MPPED2: variants seen among roughly 807,000 people sequenced by gnomAD.
MPPED2 encodes metallophosphoesterase domain containing 2.
MPPED2 carries 5 observed loss-of-function variants against 33.0 expected under a neutral mutation model. The observed-to-expected ratio is 0.15, with a 90% CI of 0.08 to 0.32. The LOEUF (loss-of-function observed/expected upper bound fraction) is 0.32. Among genes scored for constraint, MPPED2 ranks in the 10% least tolerant of loss-of-function variants. MPPED2 has a pLI of 1.00. For missense variants in MPPED2, 275 were observed against 372.1 expected (o/e 0.74, Z 2.15); for synonymous variants, 136 against 141.9 (o/e 0.96, Z 0.29).
chr11:30,475,754 G>A (rs185767507), intron 4 of MPPED2, among the ~76,000 whole-genome samples: 2 of 152,144 alleles, frequency 1.3e-5, no homozygotes, highest in South Asian at 2.1e-4. Flanking sequence ...ATTTTTATTT[G>A]TCTTGAGTAC....
At chr11:30,542,756 G>C (rs1220796463) in intron 2 of MPPED2, among the ~76,000 whole-genome samples, 1 of 152,174 alleles carries the variant, frequency 6.6e-6, no homozygotes, top group Non-Finnish European at 1.5e-5. Flanking sequence ...GGAAAACACT[G>C]ATCTGGTTTA....
intron 3 of MPPED2, among the ~76,000 whole-genome samples, chr11:30,520,115 G>C (rs1953774267): frequency 6.6e-6 from 1 of 152,010 alleles, no homozygotes; most frequent in Non-Finnish European, 1.5e-5. Flanking sequence ...CAGCGAGAAG[G>C]GAGACAACAC....
rs568857783 is a variant in MPPED2 at position 30,487,812 on chromosome 11, G to A, written c.536+7484C>T. Among the ~76,000 whole-genome samples, 16 of 152,038 alleles carry A rather than the reference G, an allele frequency of 1.1e-4. No individual in the cohort carries two copies. In the South Asian group the frequency reaches 3.3e-3, roughly 32 times the overall value. ...TTAAACCCTAGTGTCTGAGTCACTT[G>A]TTTTTTCTCTTCCCTCAATGATCCT... On this transcript the variant is annotated intron_variant, in intron 4 of 6. Coordinates refer to ENST00000358117, the MANE Select transcript of MPPED2 (RefSeq NM_001584.3).
rs78275694 is a variant in MPPED2 at position 30,433,402 on chromosome 11, G to A, written c.537-15769C>T. Among the ~76,000 whole-genome samples, 11 of 152,228 alleles carry A rather than the reference G, an allele frequency of 7.2e-5. No individual in the cohort carries two copies. In the East Asian group the frequency reaches 7.7e-4, roughly 11 times the overall value. Reference sequence around the variant, plus strand: ...AAGAGCTAACATTTACATAAAGCTTGCCATGTAGCATGTACTATATGAAAC... The same window carrying A: ...AAGAGCTAACATTTACATAAAGCTTACCATGTAGCATGTACTATATGAAAC... On this transcript the variant is annotated intron_variant, in intron 4 of 6. Coordinates refer to ENST00000358117, the MANE Select transcript of MPPED2 (RefSeq NM_001584.3).
At position 30,399,694 on chromosome 11, in the gene MPPED2, A is replaced by T. The variant is rs57970240; in HGVS notation, c.767-10738T>A. On this transcript the variant is annotated intron_variant, in intron 6 of 6. Transcript: ENST00000448418. Reference sequence around the variant, plus strand: ...ATGTAGAGTCTCAGTAAATAAATTCATAGAAATAGGTTGAATTACCAGCTA... The same window carrying T: ...ATGTAGAGTCTCAGTAAATAAATTCTTAGAAATAGGTTGAATTACCAGCTA... Among the ~76,000 whole-genome samples the T allele has an allele frequency of 2.7e-3, 406 of 152,342 alleles. 14 individuals carry two copies. The East Asian group carries it at 0.066, about 25-fold the overall frequency.
intron 3 of MPPED2, among the ~76,000 whole-genome samples, chr11:30,499,012 A>G (rs773864849): frequency 6.6e-5 from 10 of 152,142 alleles, no homozygotes; most frequent in African/African-American, 1.7e-4. Context: ...ATACTCATGA[A>G]CTGAAAGTCA....
chr11:30,434,019 T>C (rs991714598), intron 4 of MPPED2, among the ~76,000 whole-genome samples: 9 of 152,168 alleles, frequency 5.9e-5, no homozygotes, highest in Non-Finnish European at 1.2e-4. Flanking sequence ...CTCTGACTTC[T>C]GCTTCTGTGG....
chr11:30,452,001 A>C (rs72885522), intron 4 of MPPED2: 1 of 985,088 alleles, frequency 1.0e-6, no homozygotes, highest in Non-Finnish European at 1.2e-6. Context: ...CCGTAAAACG[A>C]TTCCCATTTC....
intron 4 of MPPED2, among the ~76,000 whole-genome samples, chr11:30,460,454 T>C (rs971970210): frequency 1.3e-5 from 2 of 151,872 alleles, no homozygotes; most frequent in African/African-American, 2.4e-5. Flanking sequence ...GATTCCTGTC[T>C]CTACAAAATT....
rs76621912 is a variant in MPPED2 at position 30,525,765 on chromosome 11, A to G, written c.310+10229T>C. Among the ~76,000 whole-genome samples the G allele has an allele frequency of 2.2e-3, 328 of 152,300 alleles. 1 individual carries two copies. Among genetic ancestry groups the G allele is most frequent in the African/African-American group, 7.6e-3 (317 of 41,556 alleles). ...CCCTGAAACAATATAAGCATTAATG[A>G]TCTAATATACTCAAAAGGTACTTTG... On this transcript the variant is annotated intron_variant, in intron 3 of 6. Transcript: ENST00000358117.
intron 2 of MPPED2, among the ~76,000 whole-genome samples, chr11:30,554,679 G>C (rs1955883892): frequency 6.6e-6 from 1 of 152,086 alleles, no homozygotes. Context: ...ATTTTTAGTA[G>C]AGATGGGGTT....
chr11:30,551,761 T>C (rs1458736), intron 2 of MPPED2, among the ~76,000 whole-genome samples: 11,405 of 152,236 alleles, frequency 0.075, 1,459 homozygotes, highest in African/African-American at 0.26. Flanking sequence ...TGGATTTAAA[T>C]CCCAAATACA....
intron 3 of MPPED2, among the ~76,000 whole-genome samples, chr11:30,523,264 G>A (rs12287996): frequency 0.22 from 34,087 of 152,038 alleles, 4,201 homozygotes; most frequent in East Asian, 0.41. Context: ...CCAGGGGACA[G>A]ATGGAATCAA....
At chr11:30,491,147 G>A (rs1446355833) in intron 4 of MPPED2, among the ~76,000 whole-genome samples, 2 of 152,146 alleles carry the variant, frequency 1.3e-5, no homozygotes, top group African/African-American at 2.4e-5. Flanking sequence ...TCTAATTTCC[G>A]AGGGGAGAAA....
At chr11:30,389,226 G>A (rs1453041029) in intron 6 of MPPED2, among the ~76,000 whole-genome samples, 2 of 152,302 alleles carry the variant, frequency 1.3e-5, no homozygotes, top group East Asian at 3.9e-4. Context: ...CTCCAGCAGA[G>A]CCTTTTGACA....
Position 30,411,461 on chromosome 11 carries a change from T to C in MPPED2, c.*7A>G. ...TTCCCTCACATTCCAATAGGGCATTTAGAGCTTCAGGAACCCTGTGGGTTT... is the reference window on the plus strand; with the variant it reads ...TTCCCTCACATTCCAATAGGGCATTCAGAGCTTCAGGAACCCTGTGGGTTT... On this transcript the variant is annotated 3_prime_UTR_variant, in exon 7 of 7. Coordinates refer to ENST00000358117, the MANE Select transcript of MPPED2 (RefSeq NM_001584.3). 6.2e-7 allele frequency: 1 copy of C among 1,612,148 alleles called. No individual in the cohort carries two copies.
chr11:30,506,857 G>A (rs1952850255), intron 3 of MPPED2, among the ~76,000 whole-genome samples: 2 of 152,218 alleles, frequency 1.3e-5, no homozygotes, highest in Admixed American at 1.3e-4. Flanking sequence ...ATTTCCGAAT[G>A]CAGGAATTCT....
chr11:30,551,870 TGAA>T (rs1359959874), intron 2 of MPPED2, among the ~76,000 whole-genome samples: 1 of 152,202 alleles, frequency 6.6e-6, no homozygotes, highest in Non-Finnish European at 1.5e-5. Context: ...AAGGATGTTA[TGAA>T]GAAGAAGTAA....
chr11:30,388,154 G>C (rs1947725884), exon 7 of MPPED2: 1 of 152,356 alleles, frequency 6.6e-6, no homozygotes. Context: ...TAGAAGATAA[G>C]CTTTGTGGAG....
Sources: allele counts gnomAD v4.1 joint callset (sites outside exome capture counted in the v4.1 genomes callset), GRCh38; gene constraint gnomAD v4.1.1; transcripts MANE v1.5; gene names NCBI Gene and HGNC (gene_info 2026-07-23, HGNC 2026-07-21).